The following CFAP57 variants were observed in gnomAD, a reference collection of about 807,000 sequenced individuals.
CFAP57 encodes the protein cilia and flagella associated protein 57.
CFAP57 carries 116 observed loss-of-function variants against 146.8 expected under a neutral mutation model. The observed-to-expected ratio is 0.79, with a 90% CI of 0.68 to 0.92. CFAP57 has a LOEUF of 0.92. CFAP57 is among the 40% of genes least tolerant of loss of function. The probability of loss-of-function intolerance (pLI) is 0.00; values close to 1 mark genes in which losing one functional copy is unlikely to be tolerated. For synonymous variants in CFAP57, 518 were observed against 552.8 expected, an observed-to-expected ratio of 0.94 and a Z score of 0.88; for missense variants, 1,377 against 1,527.2, an observed-to-expected ratio of 0.90 and a Z score of 1.64.
chr1:43,185,154 T>C lies in CFAP57; in HGVS notation c.767T>C (p.Ile256Thr), dbSNP rs1479767247. 1 of 1,614,154 alleles carries C rather than the reference T, an allele frequency of 6.2e-7. No individual in the cohort carries two copies. ...LDVIQESESL[I>T]EFPPVSSPLP... ...TGCTGTTTTTTTGTTTCCAGCCTGA[T>C]TGAATTTCCACCAGTCAGTTCTCCA... Residue 256 changes from isoleucine (I) to threonine (T), a missense_variant, in exon 5 of 23, where the codon ATT becomes ACT. Coordinates refer to ENST00000372492, the MANE Select transcript of CFAP57 (RefSeq NM_001378189.1).
At chr1:43,222,441 A>G in intron 15 of CFAP57, 146 bp downstream of exon 15, 1 of 675,610 alleles carries the variant, frequency 1.5e-6, no homozygotes, top group Non-Finnish European at 2.2e-6. Flanking sequence ...CTTATATCAA[A>G]TGGGAGAGAC....
intron 11 of CFAP57, chr1:43,210,148 T>A: frequency 6.3e-7 from 1 of 1,593,660 alleles, no homozygotes; most frequent in Non-Finnish European, 8.5e-7. Flanking sequence ...ATGTACAACG[T>A]TTTCACCATA....
chr1:43,224,697 G>A (rs867855641), intron 17 of CFAP57, among the ~76,000 whole-genome samples: 15 of 152,164 alleles, frequency 9.9e-5, no homozygotes, highest in African/African-American at 3.6e-4. Flanking sequence ...ACACTCAGAC[G>A]TCAGAGACAT....
intron 21 of CFAP57, among the ~76,000 whole-genome samples, chr1:43,235,010 C>T (rs1389397590): frequency 6.6e-6 from 1 of 152,166 alleles, no homozygotes; most frequent in Non-Finnish European, 1.5e-5. Context: ...TCATCCACAT[C>T]ATCTTACCTC....
At position 43,238,688 on chromosome 1, in the gene CFAP57, G is replaced by A. The variant is rs1645793334; in HGVS notation, c.3405+4050G>A. ...GGCCACCCCAGAAAACATTTTGCAG[G>A]TAGCCCAACTTATACTTATTGGGAG... On this transcript the variant is annotated intron_variant, in intron 21 of 22. Coordinates refer to ENST00000372492, the MANE Select transcript of CFAP57 (RefSeq NM_001378189.1). The surrounding 1 kb of genome is among the most constrained non-coding windows in gnomAD (Gnocchi z 4.3). Among the ~76,000 whole-genome samples, 1 of 152,174 alleles carries A rather than the reference G, an allele frequency of 6.6e-6. No homozygotes were observed. The highest frequency in any genetic ancestry group is 2.4e-5 in the African/African-American group (1 of 41,438).
intron 22 of CFAP57, among the ~76,000 whole-genome samples, chr1:43,244,676 A>G (rs533363195): frequency 7.2e-4 from 107 of 148,714 alleles, no homozygotes; most frequent in African/African-American, 2.4e-3. Flanking sequence ...AGGCCGAGGC[A>G]GGCAGATCAC....
At chr1:43,219,306 G>A in intron 12 of CFAP57, 76 bp from the exon 13 acceptor site, 4 of 1,456,392 alleles carry the variant, frequency 2.7e-6, no homozygotes, top group South Asian at 1.4e-5. Flanking sequence ...CAGGTCTCAG[G>A]TCAAGGCCGC....
intron 10 of CFAP57, among the ~76,000 whole-genome samples, chr1:43,207,751 G>A (rs1426673201): frequency 2.0e-5 from 3 of 152,318 alleles, no homozygotes; most frequent in South Asian, 2.1e-4. Flanking sequence ...TGGGCTGTGC[G>A]CTCCTCCAGC....
In CFAP57 at chr1:43,199,506, A is replaced by G. The variant is rs1644019935; in HGVS notation, c.1542+3A>G. On this transcript the variant is annotated splice_donor_region_variant and intron_variant, in intron 9 of 22. Coordinates refer to ENST00000372492, the MANE Select transcript of CFAP57 (RefSeq NM_001378189.1). ...GCCTGAAAGGACACACAGGGAAGGT[A>G]AGTGAGTGAACAGTCTCTGGGGAAA... 5.0e-6 allele frequency: 8 copies of G among 1,613,922 alleles called. No homozygotes were observed. The highest frequency in any genetic ancestry group is 1.3e-5 in the African/African-American group (1 of 74,934).
chr1:43,192,567 G>A (rs576233851), intron 6 of CFAP57, among the ~76,000 whole-genome samples: 7 of 151,940 alleles, frequency 4.6e-5, no homozygotes, highest in African/African-American at 1.7e-4. Flanking sequence ...AGGTTGTGGT[G>A]AGCCAAGATT....
At chr1:43,239,868 T>A (rs1308176411) in intron 21 of CFAP57, among the ~76,000 whole-genome samples, 2 of 152,206 alleles carry the variant, frequency 1.3e-5, no homozygotes, top group Non-Finnish European at 2.9e-5. Context: ...GGTCTGTAAC[T>A]TCCTTATTAG....
Position 43,224,031 on chromosome 1 carries a change from TGTTCGCTTTTCTA to T in CFAP57, c.2707-10_2709del. 6.5e-7 allele frequency: 1 copy of T among 1,550,332 alleles called. No homozygotes were observed. Among genetic ancestry groups the T allele is most frequent in the Non-Finnish European group, 8.7e-7 (1 of 1,146,820 alleles). On this transcript the variant is annotated splice_acceptor_variant and splice_polypyrimidine_tract_variant and intron_variant, in intron 16 of 22. Transcript: ENST00000372492. LOFTEE classifies it high-confidence loss of function. ...TGACTTTAGTGGTCTTTGTTGTTGC[TGTTCGCTTTTCTA>T]GTTCAGCAGCCTACAGAAGGAGATT...
At position 43,232,561 on chromosome 1, in the gene CFAP57, C is replaced by T. The variant is rs1400572185; in HGVS notation, c.3063C>T (p.Asn1021=). The change falls in exon 19 of 23, where the codon AAC becomes AAT. Residue 1021 remains asparagine, a synonymous_variant. Transcript: ENST00000372492. ...FHKQNTQLEL[N]ITELWQKLRA... The stretch of plus-strand genomic sequence containing the variant: ...AGCAGAACACTCAACTGGAGCTGAA[C>T]ATCACAGAATTGTGGCAGAAACTGA... 7 of 1,550,068 alleles carry T rather than the reference C, an allele frequency of 4.5e-6. No individual in the cohort carries two copies. The South Asian group carries it at 7.1e-5, about 16-fold the overall frequency.
At chr1:43,182,250 G>A (rs143434600) in intron 3 of CFAP57, among the ~76,000 whole-genome samples, 58 of 152,336 alleles carry the variant, frequency 3.8e-4, no homozygotes, top group Non-Finnish European at 7.2e-4. Flanking sequence ...GAAATGTGAT[G>A]TAACATGGTA....
chr1:43,211,401 CT>C (rs1197071335), intron 11 of CFAP57: 1 of 152,086 alleles, frequency 6.6e-6, no homozygotes, highest in Non-Finnish European at 1.5e-5. Flanking sequence ...CGGTGAAACC[CT>C]GTCTCTACTA....
intron 21 of CFAP57, among the ~76,000 whole-genome samples, chr1:43,240,082 A>G (rs1030928719): frequency 6.6e-6 from 1 of 152,226 alleles, no homozygotes; most frequent in Non-Finnish European, 1.5e-5. Flanking sequence ...GAGTTTTACC[A>G]GGCAGCATCT....
intron 10 of CFAP57, among the ~76,000 whole-genome samples, chr1:43,209,127 A>G (rs74403973): frequency 5.9e-5 from 9 of 152,330 alleles, no homozygotes; most frequent in Non-Finnish European, 1.2e-4. Flanking sequence ...AAACCATAGT[A>G]TATATAGGGT....
Position 43,225,859 on chromosome 1 carries a change from G to T in CFAP57, c.2866-1124G>T, listed in dbSNP as rs557800737. Among the ~76,000 whole-genome samples, 395 of 152,304 alleles carry T rather than the reference G, an allele frequency of 2.6e-3. 2 individuals carry two copies. The highest frequency in any genetic ancestry group is 0.01 in the Middle Eastern group (3 of 294). ...CTTATGTTCTGATTACTATCACCGT[G>T]CAACAAATTAACCTTAAAACTTACT... On this transcript the variant is annotated intron_variant, in intron 17 of 22. Coordinates refer to ENST00000372492, the MANE Select transcript of CFAP57 (RefSeq NM_001378189.1).
At position 43,172,870 on chromosome 1, in the gene CFAP57, G is replaced by A. The variant is rs764693105; in HGVS notation, c.117G>A (p.Val39=). The A allele has an allele frequency of 5.0e-6, 8 of 1,614,136 alleles. No individual in the cohort carries two copies. In the South Asian group the frequency reaches 8.8e-5, roughly 18 times the overall value. The part of the protein sequence containing the change: ...IIIFPSGNHC[V]KYNVDQKWQK... The stretch of plus-strand genomic sequence containing the variant: ...TATTTCCTTCAGGAAATCACTGTGT[G>A]AAGTACAATGTGGATCAGAAATGGC... The change falls in exon 2 of 23, where the codon GTG becomes GTA. Residue 39 remains valine, a synonymous_variant. Coordinates refer to ENST00000372492, the MANE Select transcript of CFAP57 (RefSeq NM_001378189.1).
Sources: gnomAD v4.1 joint callset for allele counts (sites outside exome capture counted in the v4.1 genomes callset) on GRCh38, gnomAD v4.1.1 for gene constraint, Gnocchi (gnomAD v3.1) non-coding constraint, MANE v1.5 for transcripts, NCBI Gene and HGNC (gene_info 2026-07-23, HGNC 2026-07-21) for gene names.